Variants in DOCK1 observed in about 807,000 individuals in gnomAD.
DOCK1 encodes the protein dedicator of cytokinesis 1.
In DOCK1, 138 loss-of-function variants were observed where a neutral mutation model predicts 262.7. That is an observed-to-expected ratio of 0.53 (90% CI 0.46 to 0.61). DOCK1 has a LOEUF of 0.61. DOCK1 is among the 20% of genes least tolerant of loss of function. The probability of loss-of-function intolerance (pLI) is 0.00; values close to 1 mark genes in which losing one functional copy is unlikely to be tolerated. For synonymous variants in DOCK1, 866 were observed against 867.4 expected (o/e 1.00, Z 0.03); for missense variants, 1,908 against 2,370.7 (o/e 0.80, Z 4.05).
chr10:127,367,953 G>A (rs997773347), intron 33 of DOCK1, among the ~76,000 whole-genome samples: 3 of 152,276 alleles, frequency 2.0e-5, no homozygotes, highest in African/African-American at 7.2e-5. Flanking sequence ...CCATGCCCCT[G>A]GGGTGGCCCC....
At chr10:127,225,280 C>T (rs1194152854) in intron 27 of DOCK1, among the ~76,000 whole-genome samples, 1 of 152,222 alleles carries the variant, frequency 6.6e-6, no homozygotes, top group Non-Finnish European at 1.5e-5. Flanking sequence ...ACAAATACAT[C>T]TTAGTCAAAC....
At chr10:126,941,917 G>T (rs1210965391) in intron 1 of DOCK1, among the ~76,000 whole-genome samples, 1 of 152,186 alleles carries the variant, frequency 6.6e-6, no homozygotes. Flanking sequence ...AGATAATTTT[G>T]CCAATTATTC....
In DOCK1 at chr10:127,451,540, C is replaced by T. The variant is rs756499998; in HGVS notation, c.*113C>T. On this transcript the variant is annotated 3_prime_UTR_variant, in exon 52 of 52. Coordinates refer to ENST00000623213, the MANE Select transcript of DOCK1 (RefSeq NM_001290223.2). ...CATTGGGCCTGTGATGTTAACATTT[C>T]GTGCGACTGCTTTTTCTTCAAAGGA... is the stretch of plus-strand genomic sequence containing the variant. The T allele has an allele frequency of 2.0e-5, 30 of 1,521,492 alleles. No homozygotes were observed. The highest frequency in any genetic ancestry group is 6.9e-5 in the African/African-American group (5 of 72,594). The allele number at this position is 1,521,492 out of a possible 1,614,324, so 94.2% of individuals were successfully genotyped here.
intron 29 of DOCK1, among the ~76,000 whole-genome samples, chr10:127,312,553 C>T (rs2062100887): frequency 6.6e-6 from 1 of 152,102 alleles, no homozygotes. Flanking sequence ...AGGTTGGTGA[C>T]TGGTGTGCAC....
chr10:127,129,910 G>A (rs980711988), intron 27 of DOCK1, among the ~76,000 whole-genome samples: 42 of 139,904 alleles, frequency 3.0e-4, no homozygotes, highest in African/African-American at 1.4e-3. Context: ...CCTGTGCTTA[G>A]GGAAACATGG....
At chr10:127,105,477 T>G (rs1226414241) in intron 23 of DOCK1, among the ~76,000 whole-genome samples, 4 of 152,126 alleles carry the variant, frequency 2.6e-5, no homozygotes, top group African/African-American at 7.2e-5. Flanking sequence ...CAGGAAAACA[T>G]TTTTGGAATG....
chr10:127,197,350 A>G (rs569931478), intron 27 of DOCK1, among the ~76,000 whole-genome samples: 1 of 152,256 alleles, frequency 6.6e-6, no homozygotes, highest in East Asian at 1.9e-4. Flanking sequence ...AAGACCTAGG[A>G]TGCACACGGA....
intron 24 of DOCK1, among the ~76,000 whole-genome samples, chr10:127,109,780 T>C (rs1284805529): frequency 6.6e-6 from 1 of 152,050 alleles, no homozygotes; most frequent in Non-Finnish European, 1.5e-5. Context: ...GGACTTCGTG[T>C]TTTTTTTACT....
Position 127,079,999 on chromosome 10 carries a change from G to A in DOCK1, c.2445+18223G>A, listed in dbSNP as rs549142027. ...TTTTGACTGTGTTAAATTCAGTGGAGCAAGGTCTCATTTATATCCTCCTTA... is the reference window on the plus strand; with the variant it reads ...TTTTGACTGTGTTAAATTCAGTGGAACAAGGTCTCATTTATATCCTCCTTA... On this transcript the variant is annotated intron_variant, in intron 23 of 51. Transcript: ENST00000623213. Among the ~76,000 whole-genome samples, 634 of 152,202 alleles carry A rather than the reference G, an allele frequency of 4.2e-3. 2 individuals carry two copies. Among genetic ancestry groups the A allele is most frequent in the Admixed American group, 7.3e-3 (111 of 15,288 alleles).
At chr10:127,164,950 G>A (rs1180557926) in intron 27 of DOCK1, among the ~76,000 whole-genome samples, 1 of 152,208 alleles carries the variant, frequency 6.6e-6, no homozygotes, top group African/African-American at 2.4e-5. Flanking sequence ...CTGAGGCCGA[G>A]TTGATTAACT....
At chr10:126,955,896 C>A (rs1043150968) in intron 1 of DOCK1, among the ~76,000 whole-genome samples, 2 of 152,162 alleles carry the variant, frequency 1.3e-5, no homozygotes, top group African/African-American at 2.4e-5. Flanking sequence ...GGAACTGACA[C>A]TGCACACTAG....
At chr10:127,190,860 ATTCTCATCTGTGACACC>A (rs1183283572) in intron 27 of DOCK1, among the ~76,000 whole-genome samples, 1 of 151,866 alleles carries the variant, frequency 6.6e-6, no homozygotes, top group Non-Finnish European at 1.5e-5. Flanking sequence ...AGACTGGCAC[ATTCTCATCTGTGACACC>A]TTCTCAACTG....
At chr10:127,199,045 C>T (rs2057340564) in intron 27 of DOCK1, among the ~76,000 whole-genome samples, 1 of 150,982 alleles carries the variant, frequency 6.6e-6, no homozygotes, top group South Asian at 2.1e-4. Flanking sequence ...AGTCAATATG[C>T]TCGGCTTCCT....
chr10:127,032,771 A>G (rs1014611168), intron 18 of DOCK1, among the ~76,000 whole-genome samples: 1 of 152,130 alleles, frequency 6.6e-6, no homozygotes, highest in Non-Finnish European at 1.5e-5. Context: ...TGCCCAGGCT[A>G]TTCCCAAACT....
intron 38 of DOCK1, among the ~76,000 whole-genome samples, chr10:127,398,062 C>T (rs1590888913): frequency 6.6e-6 from 1 of 152,312 alleles, no homozygotes; most frequent in Middle Eastern, 3.4e-3. Context: ...ATTGAAGTGG[C>T]TGATCCATCT....
intron 1 of DOCK1, among the ~76,000 whole-genome samples, chr10:126,923,708 C>A (rs2134124027): frequency 6.6e-6 from 1 of 152,354 alleles, no homozygotes; most frequent in South Asian, 2.1e-4. Context: ...CGGCATCTCT[C>A]TCCATGTGCG....
At position 127,123,213 on chromosome 10, in the gene DOCK1, G is replaced by A. The variant is rs1351219741; in HGVS notation, c.2624-2261G>A. 2.0e-5 allele frequency among the ~76,000 whole-genome samples: 3 copies of A among 152,188 alleles called. No homozygotes were observed. The East Asian group carries it at 5.8e-4, about 29-fold the overall frequency. The stretch of plus-strand genomic sequence containing the variant: ...TTTTTCCTTAGTCACATTGTCAGGG[G>A]CTGTCATTACCTGCTCAGGTCTTAG... On this transcript the variant is annotated intron_variant, in intron 25 of 51. Coordinates refer to ENST00000623213, the MANE Select transcript of DOCK1 (RefSeq NM_001290223.2).
chr10:127,248,299 G>A (rs2059500712), intron 28 of DOCK1, among the ~76,000 whole-genome samples, 190 bp downstream of exon 28: 1 of 152,224 alleles, frequency 6.6e-6, no homozygotes, highest in Non-Finnish European at 1.5e-5. Context: ...CGGACTTGCA[G>A]ACTTGCTTCT....
At chr10:127,106,174 G>T (rs933664461) in intron 23 of DOCK1, 57 bp from the exon 24 acceptor site, 3 of 1,520,056 alleles carry the variant, frequency 2.0e-6, no homozygotes, top group African/African-American at 1.4e-5. Flanking sequence ...ATTACAAATT[G>T]GTATGAACAC....
Sources: gnomAD v4.1 joint callset for allele counts (sites outside exome capture counted in the v4.1 genomes callset) on GRCh38, gnomAD v4.1.1 for gene constraint, MANE v1.5 for transcripts, NCBI Gene and HGNC (gene_info 2026-07-23, HGNC 2026-07-21) for gene names.